PRKD1: variants seen among roughly 807,000 people sequenced by gnomAD.
PRKD1 encodes the protein serine/threonine-protein kinase D1.
A neutral mutation model predicts 95.9 loss-of-function variants in PRKD1; 63 were observed. The ratio of observed to expected loss-of-function variants is 0.66; its 90% CI spans 0.54 to 0.81. The LOEUF (loss-of-function observed/expected upper bound fraction) is 0.81. Among genes scored for constraint, PRKD1 ranks in the 30% least tolerant of loss-of-function variants. PRKD1 has a pLI of 0.00. For synonymous variants in PRKD1, 425 were observed against 423.1 expected (o/e 1.00, Z -0.05); for missense variants, 1,048 against 1,165.3 (o/e 0.90, Z 1.47).
intron 4 of PRKD1, among the ~76,000 whole-genome samples, chr14:29,656,089 A>G (rs1026561078): frequency 2.4e-4 from 36 of 152,154 alleles, no homozygotes; most frequent in African/African-American, 8.2e-4. Context: ...CATAAGATTC[A>G]TTTAACATAG....
At chr14:29,702,795 G>T (rs879323802) in intron 2 of PRKD1, among the ~76,000 whole-genome samples, 1 of 151,834 alleles carries the variant, frequency 6.6e-6, no homozygotes, top group South Asian at 2.1e-4. Flanking sequence ...TGCATTTAAG[G>T]GTATTGATTT....
At chr14:29,596,401 C>T (rs974848752) in intron 16 of PRKD1, among the ~76,000 whole-genome samples, 2 of 152,162 alleles carry the variant, frequency 1.3e-5, no homozygotes, top group Non-Finnish European at 2.9e-5. Context: ...TTCAGACTAC[C>T]TGGGTAAGAA....
chr14:29,668,499 C>T (rs1233788071), intron 2 of PRKD1, among the ~76,000 whole-genome samples: 1 of 152,098 alleles, frequency 6.6e-6, no homozygotes, highest in Non-Finnish European at 1.5e-5. Flanking sequence ...TTGTTATACT[C>T]CAGTGTGCAA....
intron 1 of PRKD1, among the ~76,000 whole-genome samples, chr14:29,770,231 T>C (rs895546603): frequency 6.6e-6 from 1 of 152,220 alleles, no homozygotes; most frequent in Non-Finnish European, 1.5e-5. Context: ...TATAGCCAAC[T>C]GATGGGACAA....
chr14:29,865,216 G>T (rs1892849113), intron 1 of PRKD1, among the ~76,000 whole-genome samples: 1 of 152,180 alleles, frequency 6.6e-6, no homozygotes, highest in South Asian at 2.1e-4. Flanking sequence ...ACCAGAGTGG[G>T]TGACTGTTTG....
chr14:29,907,197 C>T (rs1364617122), intron 1 of PRKD1, among the ~76,000 whole-genome samples: 3 of 152,112 alleles, frequency 2.0e-5, no homozygotes, highest in Admixed American at 6.5e-5. Context: ...TCCCCAGAAG[C>T]GACCCAAATC....
chr14:29,853,830 G>A (rs1892399769), intron 1 of PRKD1, among the ~76,000 whole-genome samples: 1 of 152,158 alleles, frequency 6.6e-6, no homozygotes, highest in South Asian at 2.1e-4. Flanking sequence ...TCTCATAATG[G>A]TGGATGGGTC....
At chr14:29,624,361 C>A (rs1349145228) in intron 12 of PRKD1, 103 bp from the exon 13 acceptor site, 1 of 664,112 alleles carries the variant, frequency 1.5e-6, no homozygotes, top group African/African-American at 1.9e-5. Flanking sequence ...AAACATATTT[C>A]ACTGAATAAA....
At chr14:29,679,190 G>T (rs1381106844) in intron 2 of PRKD1, among the ~76,000 whole-genome samples, 1 of 152,158 alleles carries the variant, frequency 6.6e-6, no homozygotes, top group African/African-American at 2.4e-5. Context: ...AATAAGCAAA[G>T]AATAGATTAA....
rs190978098 is a variant in PRKD1 at position 29,710,411 on chromosome 14, T to C, written c.403+15125A>G. ...TGATAAGAAAGCTACTTCACTTCTATGGTATTCTTCCCCAGAATCTGTAAC... is the reference window on the plus strand; with the variant it reads ...TGATAAGAAAGCTACTTCACTTCTACGGTATTCTTCCCCAGAATCTGTAAC... On this transcript the variant is annotated intron_variant, in intron 2 of 17. Transcript: ENST00000331968. Among the ~76,000 whole-genome samples the C allele has an allele frequency of 5.9e-5, 9 of 152,294 alleles. No individual in the cohort carries two copies. The East Asian group carries it at 1.5e-3, about 26-fold the overall frequency.
chr14:29,671,386 T>C lies in PRKD1; in HGVS notation c.404-5178A>G, dbSNP rs899384478. Among the ~76,000 whole-genome samples, 60 of 152,012 alleles carry C rather than the reference T, an allele frequency of 3.9e-4. 1 individual carries two copies. The highest frequency in any genetic ancestry group is 3.9e-3 in the Admixed American group (60 of 15,268). On this transcript the variant is annotated intron_variant, in intron 2 of 17. Coordinates refer to ENST00000331968, the MANE Select transcript of PRKD1 (RefSeq NM_002742.3). The stretch of plus-strand genomic sequence containing the variant: ...AGTGGCTCCGGCCAGAGAACCACCC[T>C]AGGAAGGCCAAAAGAAGGAAAAGCT...
rs573721352 is a variant in PRKD1, at chr14:29,925,691, C to CA, written c.264+1557dup. Among the ~76,000 whole-genome samples, 29 of 152,320 alleles carry CA rather than the reference C, an allele frequency of 1.9e-4. No homozygotes were observed. The South Asian group carries it at 6.0e-3, about 32-fold the overall frequency. ...TCAAGCTGGTCAAAACAAAGTCTATCAATATTACTTTGACCCAATTTGAAT... is the reference window on the plus strand; with the variant it reads ...TCAAGCTGGTCAAAACAAAGTCTATCAAATATTACTTTGACCCAATTTGAAT... On this transcript the variant is annotated intron_variant, in intron 1 of 17. Transcript: ENST00000331968.
Position 29,799,360 on chromosome 14 carries a change from A to C in PRKD1, c.265-73686T>G, listed in dbSNP as rs530186127. Among the ~76,000 whole-genome samples, 17 of 152,304 alleles carry C rather than the reference A, an allele frequency of 1.1e-4. No individual in the cohort carries two copies. In the East Asian group the frequency reaches 3.1e-3, roughly 28 times the overall value. ...AAAGATAACAAATTACTTTGCTTGA[A>C]TTTTGATTTTTTGTTTATTTGCACT... On this transcript the variant is annotated intron_variant, in intron 1 of 17. Coordinates refer to ENST00000331968, the MANE Select transcript of PRKD1 (RefSeq NM_002742.3).
At chr14:29,877,076 C>A (rs2139388204) in intron 1 of PRKD1, among the ~76,000 whole-genome samples, 1 of 152,216 alleles carries the variant, frequency 6.6e-6, no homozygotes, top group East Asian at 1.9e-4. Flanking sequence ...TGCTTGAGCC[C>A]AGGAGGCAGA....
intron 1 of PRKD1, among the ~76,000 whole-genome samples, chr14:29,840,422 G>A (rs1891791050): frequency 6.6e-6 from 1 of 152,070 alleles, no homozygotes; most frequent in South Asian, 2.1e-4. Context: ...AAGTCTCCAG[G>A]GAGTTCCAAA....
chr14:29,626,410 C>A, intron 12 of PRKD1, 74 bp downstream of exon 12: 1 of 1,195,330 alleles, frequency 8.4e-7, no homozygotes, highest in East Asian at 2.4e-5. Flanking sequence ...TATGTTTTTC[C>A]TGTAAATATC....
intron 2 of PRKD1, among the ~76,000 whole-genome samples, chr14:29,716,478 C>A (rs933591943): frequency 1.1e-4 from 16 of 152,160 alleles, no homozygotes; most frequent in African/African-American, 3.9e-4. Flanking sequence ...GAAGAAGGAA[C>A]AGCAGGAGAG....
intron 1 of PRKD1, among the ~76,000 whole-genome samples, chr14:29,811,371 C>T (rs1029948986): frequency 6.6e-6 from 1 of 152,200 alleles, no homozygotes; most frequent in Non-Finnish European, 1.5e-5. Flanking sequence ...ATGCTCTGTG[C>T]ACCACCTAGG....
intron 1 of PRKD1, among the ~76,000 whole-genome samples, chr14:29,769,891 C>T (rs1022129592): frequency 1.3e-5 from 2 of 152,098 alleles, no homozygotes; most frequent in African/African-American, 4.8e-5. Flanking sequence ...ATGATCTAAA[C>T]GTCTATGTAC....
Sources: gnomAD v4.1 joint callset for allele counts (sites outside exome capture counted in the v4.1 genomes callset) on GRCh38, gnomAD v4.1.1 for gene constraint, MANE v1.5 for transcripts, NCBI Gene and HGNC (gene_info 2026-07-23, HGNC 2026-07-21) for gene names.